The following CAGE1 variants were observed in gnomAD, a reference collection of about 807,000 sequenced individuals.
The protein encoded by CAGE1 is cancer antigen 1.
CAGE1 carries 66 observed loss-of-function variants against 94.9 expected under a neutral mutation model. The observed-to-expected ratio is 0.70, with a 90% CI of 0.57 to 0.85. The LOEUF (loss-of-function observed/expected upper bound fraction) is 0.85. Among genes scored for constraint, CAGE1 ranks in the 40% least tolerant of loss-of-function variants. CAGE1 has a pLI of 0.00. For missense variants in CAGE1, 865 were observed against 950.4 expected, an observed-to-expected ratio of 0.91 and a Z score of 1.18; for synonymous variants, 319 against 321.0, an observed-to-expected ratio of 0.99 and a Z score of 0.07.
At chr6:7,338,542 T>C (rs556438911) in intron 11 of CAGE1, among the ~76,000 whole-genome samples, 6 of 152,198 alleles carry the variant, frequency 3.9e-5, no homozygotes, top group Non-Finnish European at 7.3e-5. Context: ...CTAACTAACA[T>C]TGATGGATAC....
At chr6:7,386,184 G>A (rs1761115117) in intron 2 of CAGE1, among the ~76,000 whole-genome samples, 1 of 150,254 alleles carries the variant, frequency 6.7e-6, no homozygotes. Context: ...ATTATTTGAT[G>A]TTTATTAAAT....
At chr6:7,384,138 C>G (rs1395073855) in intron 3 of CAGE1, among the ~76,000 whole-genome samples, 2 of 152,108 alleles carry the variant, frequency 1.3e-5, no homozygotes, top group Admixed American at 1.3e-4. Context: ...AGTGCAGTGG[C>G]ACCATCTCGG....
rs80156913 is a variant in CAGE1, at chr6:7,356,101, G to A, written c.2222C>T (p.Ser741Leu). 6.5e-7 allele frequency: 1 copy of A among 1,548,484 alleles called. No homozygotes were observed. ...GAGTCTGTTGCAGTGGTTTTCTTTT[G>A]ACTCTAGGAGATGTCCCAGTTTTGT... ...LITKLGHLLESKENHCNRLIE... is the reference protein window; with the variant it reads ...LITKLGHLLELKENHCNRLIE... Residue 741 changes from serine (S) to leucine (L), a missense_variant, in exon 10 of 14, where the codon TCA (serine) becomes TTA (leucine). Transcript: ENST00000502583.
At chr6:7,341,734 G>T (rs1395685556) in intron 11 of CAGE1, 6 of 692,780 alleles carry the variant, frequency 8.7e-6, no homozygotes, top group Admixed American at 5.3e-5. Context: ...CGCCAGGAAG[G>T]CCTCGCTTGG....
intron 5 of CAGE1, among the ~76,000 whole-genome samples, chr6:7,371,481 A>G: frequency 6.6e-6 from 1 of 152,172 alleles, no homozygotes; most frequent in Non-Finnish European, 1.5e-5. Context: ...AGTTCAAGTT[A>G]TTAAAACAAA....
intron 6 of CAGE1, 50 bp from the exon 7 acceptor site, chr6:7,368,848 A>C: frequency 9.2e-7 from 1 of 1,092,328 alleles, no homozygotes; most frequent in Non-Finnish European, 1.3e-6. Context: ...TACTAAAGCT[A>C]AAATGAGGCC....
chr6:7,377,772 T>G (rs1407772021), intron 4 of CAGE1, among the ~76,000 whole-genome samples: 2 of 151,988 alleles, frequency 1.3e-5, no homozygotes, highest in African/African-American at 2.4e-5. Context: ...AGAGAAAAGG[T>G]ATTACTTATA....
chr6:7,344,151 G>A (rs535940460), intron 11 of CAGE1, among the ~76,000 whole-genome samples: 56 of 152,340 alleles, frequency 3.7e-4, no homozygotes, highest in African/African-American at 1.2e-3. Context: ...CCGCTGCACT[G>A]TGAGAGCCCC....
chr6:7,387,184 C>CAATA lies in CAGE1; in HGVS notation c.-15_-12dup. Reference sequence around the variant, plus strand: ...ATAGTCCTTGTTCATAACTGTTGAACAATAGAAGACTTCTTTAAAAAAAAA... The same window carrying CAATA: ...ATAGTCCTTGTTCATAACTGTTGAACAATAAATAGAAGACTTCTTTAAAAAAAAA... On this transcript the variant is annotated 5_prime_UTR_variant, in exon 2 of 14. Coordinates refer to ENST00000502583, the MANE Select transcript of CAGE1 (RefSeq NM_001170692.2). 1 of 1,530,686 alleles carries CAATA rather than the reference C, an allele frequency of 6.5e-7. No homozygotes were observed. The highest frequency in any genetic ancestry group is 2.5e-5 in the East Asian group (1 of 40,338). 94.8% of individuals were successfully genotyped at this position (1,530,686 alleles called of 1,614,324 possible).
In CAGE1 at chr6:7,339,665, A is replaced by G; in HGVS notation, c.2370-5575T>C. On this transcript the variant is annotated intron_variant, in intron 11 of 13. Coordinates refer to ENST00000502583, the MANE Select transcript of CAGE1 (RefSeq NM_001170692.2). This position sits in a 1 kb window ranked among gnomAD's most constrained non-coding sequence, Gnocchi z 4.7. ...TCCCACTTATGAGTGAGAACATATG[A>G]TGTTTGGTTTTCCATTCCTGAGCTA... is the stretch of plus-strand genomic sequence containing the variant. The G allele has an allele frequency of 1.7e-6, 1 of 593,634 alleles. No individual in the cohort carries two copies. Among genetic ancestry groups the G allele is most frequent in the East Asian group, 2.8e-5 (1 of 35,182 alleles). The allele number at this position is 593,634 out of a possible 1,614,324, so 36.8% of individuals were successfully genotyped here.
intron 11 of CAGE1, among the ~76,000 whole-genome samples, chr6:7,346,006 A>G (rs1208532180): frequency 6.6e-6 from 1 of 152,216 alleles, no homozygotes; most frequent in Non-Finnish European, 1.5e-5. Flanking sequence ...AGCAGAATCA[A>G]TAGACTAGCA....
At chr6:7,333,775 C>T (rs71531543) in intron 12 of CAGE1, among the ~76,000 whole-genome samples, 17,323 of 125,246 alleles carry the variant, frequency 0.14, 1,344 homozygotes, top group East Asian at 0.33. Context: ...TTCAAGCGAT[C>T]CTCCTGCCTC....
intron 7 of CAGE1, among the ~76,000 whole-genome samples, chr6:7,366,832 CG>C (rs956289091): frequency 1.3e-5 from 2 of 151,926 alleles, no homozygotes; most frequent in African/African-American, 4.8e-5. Context: ...GGGGTGGTCT[CG>C]GGGTCTCCAA....
chr6:7,336,420 G>A (rs556200981), intron 11 of CAGE1, among the ~76,000 whole-genome samples: 1 of 152,322 alleles, frequency 6.6e-6, no homozygotes, highest in East Asian at 1.9e-4. Context: ...GGCCATGGGA[G>A]AACTCTGCTG....
At chr6:7,375,751 G>T (rs1260791005) in intron 4 of CAGE1, among the ~76,000 whole-genome samples, 3 of 152,018 alleles carry the variant, frequency 2.0e-5, no homozygotes, top group Non-Finnish European at 4.4e-5. Context: ...CCCAGTAAAA[G>T]GTATCTGTAG....
At chr6:7,361,269 G>A (rs904867950) in intron 9 of CAGE1, among the ~76,000 whole-genome samples, 2 of 152,176 alleles carry the variant, frequency 1.3e-5, no homozygotes, top group Non-Finnish European at 2.9e-5. Context: ...TTAGAAGGAT[G>A]TTTCCTAGGA....
intron 9 of CAGE1, among the ~76,000 whole-genome samples, chr6:7,361,712 A>T (rs1760171793): frequency 6.6e-6 from 1 of 152,192 alleles, no homozygotes; most frequent in Non-Finnish European, 1.5e-5. Context: ...GGAAATTAGG[A>T]AAATCAGAAC....
At chr6:7,374,530 TTCTC>T (rs1232018700) in intron 4 of CAGE1, among the ~76,000 whole-genome samples, 1 of 131,836 alleles carries the variant, frequency 7.6e-6, no homozygotes, top group Non-Finnish European at 1.6e-5. Context: ...AGACTGCAAG[TTCTC>T]TCTCTTTTTT....
chr6:7,365,461 T>G lies in CAGE1; in HGVS notation c.2193+7A>C, dbSNP rs1374658797. Reference sequence around the variant, plus strand: ...ATAATAGCAAGGTAAAAAAAGGTCTTTCTTACCAAGAAATCAAGCTCCTCA... The same window carrying G: ...ATAATAGCAAGGTAAAAAAAGGTCTGTCTTACCAAGAAATCAAGCTCCTCA... On this transcript the variant is annotated splice_region_variant and intron_variant, in intron 9 of 13. Coordinates refer to ENST00000502583, the MANE Select transcript of CAGE1 (RefSeq NM_001170692.2). 8.1e-6 allele frequency: 13 copies of G among 1,609,684 alleles called. No individual in the cohort carries two copies. In the Middle Eastern group the frequency reaches 4.9e-4, roughly 61 times the overall value.
Sources: allele counts gnomAD v4.1 joint callset (sites outside exome capture counted in the v4.1 genomes callset), GRCh38; gene constraint gnomAD v4.1.1; non-coding constraint Gnocchi (gnomAD v3.1); transcripts MANE v1.5; gene names NCBI Gene and HGNC (gene_info 2026-07-23, HGNC 2026-07-21).